Variants in DUSP13B observed in about 807,000 individuals in gnomAD.
DUSP13B encodes dual specificity phosphatase 13B.
chr10:75,105,591 G>A, the DUSP13B span: 1 of 1,390,834 alleles, frequency 7.2e-7, no homozygotes, highest in Non-Finnish European at 9.9e-7. Flanking sequence ...CCAATCCTAT[G>A]TCTGCAGCCT....
the DUSP13B span, chr10:75,105,742 A>G: frequency 6.4e-7 from 1 of 1,554,292 alleles, no homozygotes; most frequent in Non-Finnish European, 8.7e-7. Flanking sequence ...GTTGGGGAAG[A>G]CCCATCGGTG....
At chr10:75,094,620 C>T in the DUSP13B span, 1 of 1,586,428 alleles carries the variant, frequency 6.3e-7, no homozygotes, top group Non-Finnish European at 8.6e-7. Flanking sequence ...CTGCTGTTCC[C>T]AGGGCCAGGC....
At chr10:75,100,979 G>T in the DUSP13B span, among the ~76,000 whole-genome samples, 1 of 152,248 alleles carries the variant, frequency 6.6e-6, no homozygotes, top group Non-Finnish European at 1.5e-5. Context: ...TAGTCCCCTG[G>T]ACTTTCTTCC....
At chr10:75,105,683 C>T in the DUSP13B span, 2 of 1,549,308 alleles carry the variant, frequency 1.3e-6, no homozygotes, top group East Asian at 4.9e-5. Context: ...CTCTGGCCGG[C>T]ACCCCGCAGT....
At chr10:75,108,012 C>T in the DUSP13B span, 43 of 1,612,884 alleles carry the variant, frequency 2.7e-5, no homozygotes, top group African/African-American at 3.9e-4. Context: ...GTTGAGGGCA[C>T]GGTGGATGAA....
At chr10:75,102,903 G>A in the DUSP13B span, among the ~76,000 whole-genome samples, 1 of 152,158 alleles carries the variant, frequency 6.6e-6, no homozygotes, top group East Asian at 1.9e-4. Context: ...AGTGAGCTGA[G>A]ATCACGCCAT....
the DUSP13B span, chr10:75,099,854 G>A: frequency 6.3e-5 from 10 of 159,188 alleles, no homozygotes; most frequent in Non-Finnish European, 1.4e-4. Flanking sequence ...CCCATGCTAG[G>A]GATGCTGGAC....
the DUSP13B span, among the ~76,000 whole-genome samples, chr10:75,107,286 C>T: frequency 2.0e-5 from 3 of 148,848 alleles, no homozygotes; most frequent in African/African-American, 5.0e-5. Context: ...ACCCAGGAGG[C>T]GGAGGAGCAG....
chr10:75,109,134 C>A, the DUSP13B span: 1 of 1,603,692 alleles, frequency 6.2e-7, no homozygotes, highest in Non-Finnish European at 8.5e-7. Context: ...CTCCCCCCAG[C>A]TCTGGGAGAG....
At chr10:75,104,867 A>G in the DUSP13B span, among the ~76,000 whole-genome samples, 24 of 152,124 alleles carry the variant, frequency 1.6e-4, 1 homozygote, top group South Asian at 4.8e-3. Flanking sequence ...CTATGCCTTC[A>G]GAGACAGGAA....
the DUSP13B span, chr10:75,109,108 G>A: frequency 6.2e-7 from 1 of 1,611,964 alleles, no homozygotes; most frequent in Non-Finnish European, 8.5e-7. Flanking sequence ...GCTGGGGCAA[G>A]GCGTGGCTTT....
chr10:75,102,514 A>C, the DUSP13B span, among the ~76,000 whole-genome samples: 1 of 152,236 alleles, frequency 6.6e-6, no homozygotes, highest in Non-Finnish European at 1.5e-5. Context: ...AAACCATTTT[A>C]AAAGGTCCCT....
the DUSP13B span, chr10:75,095,526 T>A: frequency 1.9e-6 from 3 of 1,548,494 alleles, no homozygotes; most frequent in Admixed American, 5.0e-5. Flanking sequence ...TAATGGAGAG[T>A]CCTAAAGCAC....
chr10:75,102,070 A>C, the DUSP13B span: 21,196 of 760,274 alleles, frequency 0.028, 408 homozygotes, highest in Non-Finnish European at 0.036. Flanking sequence ...GCCAGTGCCA[A>C]GCACAGTCAG....
At chr10:75,108,007 G>A in the DUSP13B span, 5 of 1,612,664 alleles carry the variant, frequency 3.1e-6, no homozygotes, top group African/African-American at 5.3e-5. Context: ...GGCGTGTTGA[G>A]GGCACGGTGG....
At chr10:75,103,423 C>T in the DUSP13B span, among the ~76,000 whole-genome samples, 1 of 152,198 alleles carries the variant, frequency 6.6e-6, no homozygotes, top group African/African-American at 2.4e-5. Context: ...GCCACTCCCA[C>T]CCTCTGCCAA....
chr10:75,098,701 G>A, the DUSP13B span, among the ~76,000 whole-genome samples: 1 of 152,200 alleles, frequency 6.6e-6, no homozygotes, highest in Non-Finnish European at 1.5e-5. Flanking sequence ...GGCAGAGGTT[G>A]CAGTGAGCTG....
At chr10:75,097,377 T>G in the DUSP13B span, among the ~76,000 whole-genome samples, 2 of 152,022 alleles carry the variant, frequency 1.3e-5, no homozygotes, top group East Asian at 3.9e-4. Flanking sequence ...CCTGGCTAAT[T>G]TTTTGTATTT....
chr10:75,099,226 G>A, the DUSP13B span: 1 of 1,232,282 alleles, frequency 8.1e-7, no homozygotes, highest in South Asian at 4.1e-5. Flanking sequence ...CCAGTGACTA[G>A]GGAAGGTGCA....
Sources: gnomAD v4.1 joint callset for allele counts (sites outside exome capture counted in the v4.1 genomes callset) on GRCh38, gnomAD v4.1.1 for gene constraint, MANE v1.5 for transcripts, NCBI Gene and HGNC (gene_info 2026-07-23, HGNC 2026-07-21) for gene names.